The following EPHA8 variants were observed in gnomAD, a reference collection of about 807,000 sequenced individuals.
EPHA8 encodes the protein ephrin type-A receptor 8.
In EPHA8, 58 loss-of-function variants were observed where a neutral mutation model predicts 103.6. The observed-to-expected ratio is 0.56, with a 90% CI of 0.45 to 0.70. EPHA8 has a LOEUF of 0.70. Ranked by LOEUF, EPHA8 falls within the 30% of genes least tolerant of loss-of-function variation. The probability of loss-of-function intolerance (pLI) is 0.00; values close to 1 mark genes in which losing one functional copy is unlikely to be tolerated. For missense variants in EPHA8, 1,304 were observed against 1,395.2 expected (o/e 0.93, Z 1.04); for synonymous variants, 559 against 572.5 (o/e 0.98, Z 0.34).
chr1:22,588,823 C>T (rs1403308093), intron 4 of EPHA8, 48 bp from the exon 5 acceptor site: 1 of 1,531,248 alleles, frequency 6.5e-7, no homozygotes, highest in Non-Finnish European at 8.8e-7. Flanking sequence ...GAAGACAGGA[C>T]AGCCCAAATA....
chr1:22,570,389 C>T lies in EPHA8; in HGVS notation c.159+1036C>T, dbSNP rs114443657. On this transcript the variant is annotated intron_variant, in intron 2 of 16. Transcript: ENST00000166244. The stretch of plus-strand genomic sequence containing the variant: ...ACGTGTGCGCGTACACACACGCGCG[C>T]GCGCATACGCACATATGCACACATC... Among the ~76,000 whole-genome samples the T allele has an allele frequency of 9.4e-3, 810 of 85,908 alleles. 9 individuals are homozygous for T. The highest frequency in any genetic ancestry group is 0.063 in the African/African-American group (736 of 11,700). The allele number at this position is 85,908 out of a possible 152,430, so 56.4% of individuals were successfully genotyped here. A position where few individuals can be genotyped will look rare whatever the true frequency, so the allele number is the denominator to read the frequency against.
In EPHA8 at chr1:22,579,181, G is replaced by T. The variant is rs548131497; in HGVS notation, c.823+2301G>T. On this transcript the variant is annotated intron_variant, in intron 3 of 16. Coordinates refer to ENST00000166244, the MANE Select transcript of EPHA8 (RefSeq NM_020526.5). ...TGTATGTATGCATGTGTGTGCATGT[G>T]TGCGTGAATATATGTGTACCTGTGT... Among the ~76,000 whole-genome samples the T allele has an allele frequency of 4.6e-5, 7 of 151,942 alleles. No homozygotes were observed. The East Asian group carries it at 1.4e-3, about 30-fold the overall frequency.
Position 22,597,806 on chromosome 1 carries a change from C to A in EPHA8, c.2061C>A (p.Ile687=). 1.2e-6 allele frequency: 2 copies of A among 1,613,124 alleles called. No individual in the cohort carries two copies. Among genetic ancestry groups the A allele is most frequent in the Non-Finnish European group, 1.7e-6 (2 of 1,179,930 alleles). Residue 687 remains isoleucine (I), a synonymous_variant, in exon 11 of 17, where the codon ATC becomes ATA. Transcript: ENST00000166244. This position sits in a 1 kb window ranked among gnomAD's most constrained non-coding sequence, Gnocchi z 4.6. ...QRRDFLSEAS[I]MGQFDHPNII... ...GGGACTTCCTGAGCGAGGCGTCCAT[C>A]ATGGGGCAATTCGACCATCCCAACA... is the stretch of plus-strand genomic sequence containing the variant.
intron 3 of EPHA8, among the ~76,000 whole-genome samples, chr1:22,578,163 A>AT (rs1640818265): frequency 3.0e-5 from 2 of 66,600 alleles, no homozygotes; most frequent in Non-Finnish European, 6.6e-5. Context: ...TGTGTGCATG[A>AT]GTGTATGTGT....
rs142726625 is a variant in EPHA8, at chr1:22,601,075, G to A, written c.2716G>A (p.Ala906Thr). ...IRSPESLRAT[A>T]TVSRCPPPAF... is the part of the protein sequence containing the mutation. ...CAGCCCTGAGAGTCTCAGGGCCACC[G>A]CCACAGTCAGCAGGTGCCTTGTGCC... is the stretch of plus-strand genomic sequence containing the variant. Residue 906 changes from alanine to threonine, a missense_variant, in exon 15 of 17, where the codon GCC (alanine) becomes ACC (threonine). Ala to Thr is a moderately conservative substitution (Grantham distance 58, BLOSUM62 0). Coordinates refer to ENST00000166244, the MANE Select transcript of EPHA8 (RefSeq NM_020526.5). The A allele has an allele frequency of 1.4e-5, 22 of 1,606,600 alleles. No individual in the cohort carries two copies. The highest frequency in any genetic ancestry group is 2.7e-5 in the African/African-American group (2 of 74,956).
chr1:22,586,085 G>A (rs11578793), intron 3 of EPHA8, among the ~76,000 whole-genome samples: 7,695 of 152,208 alleles, frequency 0.051, 249 homozygotes, highest in Middle Eastern at 0.075. Flanking sequence ...CTAGGCTGGC[G>A]TCCCACGTAA....
chr1:22,593,300 C>T (rs1023118794), intron 5 of EPHA8, 26 bp from the exon 6 acceptor site: 1 of 1,548,188 alleles, frequency 6.5e-7, no homozygotes, highest in Admixed American at 1.9e-5. Flanking sequence ...TCCCCTCCGC[C>T]CATCTGACGG....
chr1:22,583,536 G>C (rs1179190550), intron 3 of EPHA8, among the ~76,000 whole-genome samples: 1 of 152,172 alleles, frequency 6.6e-6, no homozygotes, highest in Non-Finnish European at 1.5e-5. Context: ...AGGCATTCAG[G>C]CTCCCTGAGC....
At chr1:22,572,621 C>A (rs1232205913) in intron 2 of EPHA8, among the ~76,000 whole-genome samples, 2 of 152,204 alleles carry the variant, frequency 1.3e-5, no homozygotes, top group African/African-American at 2.4e-5. Context: ...GGATTCTCAC[C>A]ACGCCCTGGA....
chr1:22,576,862 C>A lies in EPHA8; in HGVS notation c.805C>A (p.Arg269=). 6.3e-7 allele frequency: 1 copy of A among 1,593,882 alleles called. No individual in the cohort carries two copies. Among genetic ancestry groups the A allele is most frequent in the South Asian group, 1.1e-5 (1 of 89,088 alleles). ...CGTGTGCAGTGCCGGCTACGAGGAG[C>A]GGCGGGATGCCTGTGTGGGTGAGCG... ...KCVCSAGYEE[R]RDACVACELG... The change falls in exon 3 of 17, where the codon CGG becomes AGG. Residue 269 remains arginine (R), a synonymous_variant. Transcript: ENST00000166244. This position sits in a 1 kb window ranked among gnomAD's most constrained non-coding sequence, Gnocchi z 4.8.
Position 22,590,806 on chromosome 1 carries a change from C to G in EPHA8, c.1315+1600C>G, listed in dbSNP as rs369390636. The stretch of plus-strand genomic sequence containing the variant: ...TCGCGGTCACCAGCGAAGACCTCTC[C>G]CCTAGGACCCAGCTGCCCACTCCTG... On this transcript the variant is annotated intron_variant, in intron 5 of 16. Coordinates refer to ENST00000166244, the MANE Select transcript of EPHA8 (RefSeq NM_020526.5). 1.1e-4 allele frequency among the ~76,000 whole-genome samples: 16 copies of G among 152,234 alleles called. No individual in the cohort carries two copies. The South Asian group carries it at 1.5e-3, about 14-fold the overall frequency.
intron 2 of EPHA8, among the ~76,000 whole-genome samples, chr1:22,572,527 G>A (rs1037333340): frequency 2.6e-5 from 4 of 152,306 alleles, no homozygotes; most frequent in East Asian, 1.9e-4. Context: ...ATGCTGGGAC[G>A]TGCTCCGCCT....
intron 5 of EPHA8, among the ~76,000 whole-genome samples, chr1:22,590,005 C>G (rs1345203812): frequency 6.6e-6 from 1 of 152,210 alleles, no homozygotes; most frequent in Non-Finnish European, 1.5e-5. Context: ...AGAGGCAGGG[C>G]TCAAACCCAG....
chr1:22,577,524 G>C (rs1369239135), intron 3 of EPHA8, among the ~76,000 whole-genome samples: 1 of 152,164 alleles, frequency 6.6e-6, no homozygotes, highest in Admixed American at 6.5e-5. Context: ...GGGACACCCA[G>C]GGAGTACAGT....
chr1:22,600,537 G>A, intron 13 of EPHA8, 124 bp from the exon 14 acceptor site: 2 of 1,309,860 alleles, frequency 1.5e-6, no homozygotes, highest in Non-Finnish European at 2.1e-6. Flanking sequence ...CTGGGACGGT[G>A]GGGGCTGTGT....
chr1:22,581,397 A>G (rs1256867604), intron 3 of EPHA8, among the ~76,000 whole-genome samples: 1 of 152,230 alleles, frequency 6.6e-6, no homozygotes, highest in African/African-American at 2.4e-5. Flanking sequence ...TATGCCAATT[A>G]TTTGTCCCAG....
At chr1:22,581,548 T>A (rs1231447522) in intron 3 of EPHA8, among the ~76,000 whole-genome samples, 1 of 152,158 alleles carries the variant, frequency 6.6e-6, no homozygotes, top group African/African-American at 2.4e-5. Flanking sequence ...AGGGGATATG[T>A]CTTGCCCAAT....
intron 1 of EPHA8, among the ~76,000 whole-genome samples, chr1:22,565,554 C>T (rs558397266): frequency 7.2e-5 from 11 of 152,272 alleles, no homozygotes; most frequent in Admixed American, 2.6e-4. Context: ...TCCATCGAGG[C>T]GCTGGGAGTC....
At chr1:22,595,052 A>C (rs1263977160) in intron 7 of EPHA8, among the ~76,000 whole-genome samples, 178 bp from the exon 8 acceptor site, 2 of 152,156 alleles carry the variant, frequency 1.3e-5, no homozygotes, top group African/African-American at 4.8e-5. Flanking sequence ...AGCTTAGTAG[A>C]GGGTGGGGTG....
Sources: allele counts gnomAD v4.1 joint callset (sites outside exome capture counted in the v4.1 genomes callset), GRCh38; gene constraint gnomAD v4.1.1; non-coding constraint Gnocchi (gnomAD v3.1); transcripts MANE v1.5; gene names NCBI Gene and HGNC (gene_info 2026-07-23, HGNC 2026-07-21).